The following DLG5 variants were observed in gnomAD, a reference collection of about 807,000 sequenced individuals.
The protein encoded by DLG5 is discs large MAGUK scaffold protein 5, also known as disks large homolog 5.
In DLG5, 48 loss-of-function variants were observed where a neutral mutation model predicts 189.8. The observed-to-expected ratio is 0.25, with a 90% CI of 0.20 to 0.32. The LOEUF is 0.32. Ranked by LOEUF, DLG5 falls within the 10% of genes least tolerant of loss-of-function variation. The pLI, the probability that DLG5 is intolerant of heterozygous loss-of-function variation, is 1.00. For synonymous variants in DLG5, 1,016 were observed against 1,054.1 expected (o/e 0.96, Z 0.70); for missense variants, 2,160 against 2,544.7 (o/e 0.85, Z 3.25).
chr10:77,913,701 G>A (rs545746989), intron 1 of DLG5, among the ~76,000 whole-genome samples: 5 of 152,038 alleles, frequency 3.3e-5, no homozygotes, highest in African/African-American at 1.2e-4. Context: ...CAATCCTCCC[G>A]CCTCAGCCTC....
upstream of DLG5, chr10:77,928,517 G>A (rs1564603451): frequency 6.6e-6 from 1 of 152,428 alleles, no homozygotes; most frequent in African/African-American, 2.4e-5. Flanking sequence ...TTCCCTCCCA[G>A]TCCTGCTCCT....
rs141940807 is a variant in DLG5 at position 77,812,119 on chromosome 10, T to C, written c.4189-62A>G. Reference sequence around the variant, plus strand: ...GGGGCTGTGGACAGGGAGGAGGCCCTGGGGACTTGGGAGCACTGCTGTTCC... The same window carrying C: ...GGGGCTGTGGACAGGGAGGAGGCCCCGGGGACTTGGGAGCACTGCTGTTCC... On this transcript the variant is annotated intron_variant, in intron 21 of 31. Transcript: ENST00000372391. 82 of 1,598,940 alleles carry C rather than the reference T, an allele frequency of 5.1e-5. No individual in the cohort carries two copies. The African/African-American group carries it at 8.1e-4, about 16-fold the overall frequency.
In DLG5 at chr10:77,815,298, T is replaced by C. The variant is rs192502831; in HGVS notation, c.4025+1253A>G. On this transcript the variant is annotated intron_variant, in intron 20 of 31. Transcript: ENST00000372391. ...CTGGGGCCAGGCCTCTGTGTTTTGC[T>C]GTCCTTCCGTTACCCCTCAGGTTCT... is the stretch of plus-strand genomic sequence containing the variant. 6.0e-4 allele frequency among the ~76,000 whole-genome samples: 91 copies of C among 152,366 alleles called. 1 individual carries two copies. The highest frequency in any genetic ancestry group is 2.0e-3 in the African/African-American group (85 of 41,590).
intron 5 of DLG5, among the ~76,000 whole-genome samples, chr10:77,851,781 G>A (rs988424719): frequency 4.6e-5 from 7 of 152,190 alleles, no homozygotes; most frequent in African/African-American, 1.7e-4. Context: ...ATGGAATACA[G>A]TTTCATTGGA....
intron 20 of DLG5, among the ~76,000 whole-genome samples, chr10:77,813,725 A>G (rs909375731): frequency 1.3e-5 from 2 of 152,210 alleles, no homozygotes; most frequent in African/African-American, 4.8e-5. Flanking sequence ...TAAAGGAGCA[A>G]GCAACTAAGT....
the DLG5 span, among the ~76,000 whole-genome samples, chr10:77,935,619 A>G: frequency 6.6e-6 from 1 of 152,216 alleles, no homozygotes; most frequent in Non-Finnish European, 1.5e-5. Context: ...AAGGCTGCCA[A>G]CAAGAGCATG....
intron 5 of DLG5, among the ~76,000 whole-genome samples, chr10:77,850,491 A>G (rs1172972267): frequency 6.6e-6 from 1 of 152,202 alleles, no homozygotes; most frequent in African/African-American, 2.4e-5. Flanking sequence ...TGCTATGAAT[A>G]TTCACACCTC....
At position 77,830,837 on chromosome 10, in the gene DLG5, C is replaced by G; in HGVS notation, c.1785G>C (p.Arg595=). The G allele has an allele frequency of 6.2e-7, 1 of 1,614,174 alleles. No individual in the cohort carries two copies. The highest frequency in any genetic ancestry group is 8.5e-7 in the Non-Finnish European group (1 of 1,180,030). The change falls in exon 10 of 32, where the codon CGG becomes CGC. Residue 595 remains arginine (R), a synonymous_variant. Transcript: ENST00000372391. ...QMESQLEKEA[R]FRQLMAHSSH... ...AGCTGTGGGCCATCAGCTGTCGGAA[C>G]CGGGCCTCCTTTTCCAACTGGGATT...
At chr10:77,864,336 C>T (rs1336484000) in intron 2 of DLG5, among the ~76,000 whole-genome samples, 1 of 152,210 alleles carries the variant, frequency 6.6e-6, no homozygotes, top group Non-Finnish European at 1.5e-5. Context: ...CACCTCCAGG[C>T]CCTGGCTGCC....
chr10:77,791,963 A>C lies in DLG5; in HGVS notation c.*477T>G, dbSNP rs1484208224. The C allele has an allele frequency of 6.1e-6, 1 of 163,986 alleles. No homozygotes were observed. The highest frequency in any genetic ancestry group is 2.4e-5 in the African/African-American group (1 of 41,648). The allele number at this position is 163,986 out of a possible 1,614,324, so 10.2% of individuals were successfully genotyped here. Reference sequence around the variant, plus strand: ...CACCAACAAGAACCTCCCAAAGCAAAGCAGCCCCCATTGAGGTTCCAAGGT... The same window carrying C: ...CACCAACAAGAACCTCCCAAAGCAACGCAGCCCCCATTGAGGTTCCAAGGT... On this transcript the variant is annotated 3_prime_UTR_variant, in exon 32 of 32. Coordinates refer to ENST00000372391, the MANE Select transcript of DLG5 (RefSeq NM_004747.4).
intron 7 of DLG5, among the ~76,000 whole-genome samples, chr10:77,836,856 T>C (rs1008749654): frequency 2.6e-5 from 4 of 151,806 alleles, no homozygotes; most frequent in African/African-American, 9.7e-5. Context: ...TTACATGGTA[T>C]GCTGTGTTTG....
chr10:77,798,862 ATATTAC>A (rs1342281617), intron 27 of DLG5, among the ~76,000 whole-genome samples: 15 of 152,248 alleles, frequency 9.9e-5, no homozygotes, highest in African/African-American at 3.6e-4. Flanking sequence ...GTTTGGAAGA[ATATTAC>A]TGAGATGGGA....
intron 5 of DLG5, among the ~76,000 whole-genome samples, chr10:77,849,863 A>C (rs1016987814): frequency 6.6e-6 from 1 of 152,212 alleles, no homozygotes; most frequent in African/African-American, 2.4e-5. Flanking sequence ...CTTCTAAAAA[A>C]ATAATATTTT....
intron 13 of DLG5, chr10:77,824,729 C>T: frequency 6.8e-6 from 3 of 438,298 alleles, no homozygotes; most frequent in South Asian, 4.5e-5. Context: ...ATCAGAACAC[C>T]GAGGACCCGG....
At chr10:77,835,700 G>A (rs1272412830) in intron 8 of DLG5, 38 bp downstream of exon 8, 9 of 1,574,274 alleles carry the variant, frequency 5.7e-6, no homozygotes, top group African/African-American at 1.3e-5. Context: ...TCATCCTGGG[G>A]AGACGCAAGC....
At chr10:77,792,618 G>A (rs1840694603) in intron 31 of DLG5, 75 bp from the exon 32 acceptor site, 2 of 1,365,326 alleles carry the variant, frequency 1.5e-6, no homozygotes, top group Admixed American at 1.7e-5. Flanking sequence ...AGTACAGCTT[G>A]CACTCTTTCT....
chr10:77,856,901 G>A lies in DLG5; in HGVS notation c.374-9C>T, dbSNP rs773108755. On this transcript the variant is annotated splice_polypyrimidine_tract_variant and intron_variant, in intron 2 of 31. Coordinates refer to ENST00000372391, the MANE Select transcript of DLG5 (RefSeq NM_004747.4). The stretch of plus-strand genomic sequence containing the variant: ...CGCCTTCCCGGTAGTGCCTGTGGAA[G>A]GGGAATAATAAAGTGAACTTGTGTT... 3 of 1,607,970 alleles carry A rather than the reference G, an allele frequency of 1.9e-6. No individual in the cohort carries two copies. Among genetic ancestry groups the A allele is most frequent in the East Asian group, 2.2e-5 (1 of 44,748 alleles).
At chr10:77,805,635 G>C (rs1841429837) in intron 27 of DLG5, 30 bp downstream of exon 27, 1 of 1,585,854 alleles carries the variant, frequency 6.3e-7, no homozygotes, top group African/African-American at 1.3e-5. Flanking sequence ...CATCTGGAGA[G>C]CCCACTGGAA....
chr10:77,840,860 C>T (rs531392483), intron 7 of DLG5, among the ~76,000 whole-genome samples: 16 of 152,300 alleles, frequency 1.1e-4, no homozygotes, highest in African/African-American at 3.1e-4. Flanking sequence ...GAGTTGCTGT[C>T]GGTTGAAAGA....
Sources: gnomAD v4.1 joint callset for allele counts (sites outside exome capture counted in the v4.1 genomes callset) on GRCh38, gnomAD v4.1.1 for gene constraint, MANE v1.5 for transcripts, NCBI Gene and HGNC (gene_info 2026-07-23, HGNC 2026-07-21) for gene names.